The following DMD variants were observed in gnomAD, a reference collection of about 807,000 sequenced individuals.
DMD encodes the protein dystrophin.
A neutral mutation model predicts 330.1 loss-of-function variants in DMD; 63 were observed. The observed-to-expected ratio is 0.19, with a 90% confidence interval of 0.16 to 0.24. The LOEUF (loss-of-function observed/expected upper bound fraction) is 0.24, where lower values mean the gene tolerates loss of function less well. Among genes scored for constraint, DMD ranks in the 10% least tolerant of loss-of-function variants. The probability of loss-of-function intolerance (pLI) is 1.00; values close to 1 mark genes in which losing one functional copy is unlikely to be tolerated. For missense variants in DMD, 3,344 were observed against 2,684.1 expected, an observed-to-expected ratio of 1.25 and a Z score of -5.43; for synonymous variants, 1,223 against 959.8, an observed-to-expected ratio of 1.27 and a Z score of -5.07.
At chrX:31,535,955 A>T (rs2073366197) in intron 55 of DMD, among the ~76,000 whole-genome samples, 1 of 112,268 alleles carries the variant, frequency 8.9e-6, no homozygotes, top group Non-Finnish European at 1.9e-5. Flanking sequence ...CATGATGAAC[A>T]AGTATCTGAG....
chrX:32,860,165 G>T (rs886969863), intron 2 of DMD, among the ~76,000 whole-genome samples: 3 of 111,844 alleles, frequency 2.7e-5, no homozygotes, highest in African/African-American at 9.8e-5. Flanking sequence ...TTGACAAGTG[G>T]CATAAATAAA....
chrX:31,781,655 A>G (rs2091017009), intron 50 of DMD, among the ~76,000 whole-genome samples: 1 of 110,722 alleles, frequency 9.0e-6, no homozygotes, highest in Non-Finnish European at 1.9e-5. Context: ...CTAACATTAT[A>G]TGAATTCATC....
chrX:31,190,903 C>G (rs1479488410), intron 67 of DMD, among the ~76,000 whole-genome samples: 3 of 111,636 alleles, frequency 2.7e-5, no homozygotes, highest in African/African-American at 9.8e-5. Flanking sequence ...CAACTATCCT[C>G]TACAACACAG....
intron 2 of DMD, among the ~76,000 whole-genome samples, chrX:32,877,199 G>A (rs143591230): frequency 0.01 from 1,149 of 111,858 alleles, 19 homozygotes; most frequent in African/African-American, 0.035. Context: ...CACCCTGGTT[G>A]GGGAAATGTA....
At chrX:32,099,457 G>A (rs2096528430) in intron 44 of DMD, among the ~76,000 whole-genome samples, 1 of 109,812 alleles carries the variant, frequency 9.1e-6, no homozygotes, top group Non-Finnish European at 1.9e-5. Context: ...GTTTATTGCG[G>A]CTCTATTCAC....
chrX:32,771,317 C>T (rs1250754080), intron 7 of DMD, among the ~76,000 whole-genome samples: 1 of 111,335 alleles, frequency 9.0e-6, no homozygotes, highest in East Asian at 2.8e-4. Flanking sequence ...AGTGATCATG[C>T]CAGCCTTAGA....
intron 18 of DMD, among the ~76,000 whole-genome samples, chrX:32,505,995 A>G (rs1474420657): frequency 8.9e-6 from 1 of 112,299 alleles, no homozygotes; most frequent in Non-Finnish European, 1.9e-5. Flanking sequence ...CTACAAAACA[A>G]TCAGTGGTTT....
chrX:31,938,101 C>A (rs1328567455), intron 45 of DMD, among the ~76,000 whole-genome samples: 1 of 111,735 alleles, frequency 8.9e-6, no homozygotes, highest in African/African-American at 3.2e-5. Flanking sequence ...TGAACATTTT[C>A]TGTCGGGCTA....
chrX:32,124,294 A>G (rs1217858324), intron 44 of DMD, among the ~76,000 whole-genome samples: 1 of 112,321 alleles, frequency 8.9e-6, no homozygotes, highest in Non-Finnish European at 1.9e-5. Flanking sequence ...ATTTATTCTA[A>G]ATCACACAGC....
intron 43 of DMD, among the ~76,000 whole-genome samples, chrX:32,222,733 G>A (rs987067668): frequency 9.0e-6 from 1 of 111,439 alleles, no homozygotes; most frequent in Admixed American, 9.5e-5. Flanking sequence ...TGTCTCTCTG[G>A]TGGGGAATAG....
intron 1 of DMD, among the ~76,000 whole-genome samples, chrX:33,203,835 A>G (rs2051415436): frequency 9.0e-6 from 1 of 110,951 alleles, no homozygotes; most frequent in South Asian, 3.8e-4. Flanking sequence ...AATACAAAAC[A>G]AAACAAACAC....
chrX:32,354,906 G>T (rs754631627), intron 37 of DMD, among the ~76,000 whole-genome samples: 66 of 111,200 alleles, frequency 5.9e-4, no homozygotes, highest in Non-Finnish European at 1.1e-3. Context: ...TTAGAATATT[G>T]CCCTATTTCA....
chrX:32,975,072 A>G (rs1475322700), intron 2 of DMD, among the ~76,000 whole-genome samples: 1 of 111,703 alleles, frequency 9.0e-6, no homozygotes, highest in Non-Finnish European at 1.9e-5. Flanking sequence ...TAAACATTTT[A>G]TTTAGAATAA....
chrX:31,720,636 C>A (rs1229467860), intron 52 of DMD, among the ~76,000 whole-genome samples: 1 of 108,683 alleles, frequency 9.2e-6, no homozygotes, highest in Non-Finnish European at 1.9e-5. Context: ...AAACTATTTT[C>A]TTTAATTGGT....
chrX:33,250,752 C>T (rs1405382915), intron 1 of DMD, among the ~76,000 whole-genome samples: 1 of 110,487 alleles, frequency 9.1e-6, no homozygotes, highest in Non-Finnish European at 1.9e-5. Context: ...CATATCAAAA[C>T]CATTTAAAAT....
intron 9 of DMD, among the ~76,000 whole-genome samples, chrX:32,661,141 C>T (rs947401498): frequency 1.8e-5 from 2 of 111,347 alleles, no homozygotes; most frequent in Non-Finnish European, 3.8e-5. Context: ...TGTGAAGAGA[C>T]ATTATAATAT....
At chrX:32,413,281 C>A (rs931420461) in intron 29 of DMD, among the ~76,000 whole-genome samples, 1 of 111,191 alleles carries the variant, frequency 9.0e-6, no homozygotes, top group African/African-American at 3.3e-5. Flanking sequence ...CACACATGAA[C>A]TCCTTGCATA....
At chrX:32,663,266 G>T (rs1216057269) in intron 9 of DMD, among the ~76,000 whole-genome samples, 1 of 110,875 alleles carries the variant, frequency 9.0e-6, no homozygotes, top group Non-Finnish European at 1.9e-5. Flanking sequence ...CATTAGAGGT[G>T]ATATATCCTT....
At chrX:32,201,812 T>C (rs1291366356) in intron 44 of DMD, among the ~76,000 whole-genome samples, 1 of 111,038 alleles carries the variant, frequency 9.0e-6, no homozygotes, top group Non-Finnish European at 1.9e-5. Context: ...TTCGCTTATC[T>C]GTTTCTTTAA....
Sources: allele counts gnomAD v4.1 joint callset (sites outside exome capture counted in the v4.1 genomes callset), GRCh38; gene constraint gnomAD v4.1.1; transcripts MANE v1.5; gene names NCBI Gene and HGNC (gene_info 2026-07-23, HGNC 2026-07-21).